The following RAVER2 variants were observed in gnomAD, a reference collection of about 807,000 sequenced individuals.
RAVER2 encodes the protein ribonucleoprotein, PTB binding 2, also known as ribonucleoprotein PTB-binding 2.
Under a neutral mutation model 78.1 loss-of-function variants are expected in RAVER2, and 46 were observed. That is an observed-to-expected ratio of 0.59 (90% CI 0.46 to 0.75). The LOEUF is 0.75. RAVER2 is among the 30% of genes least tolerant of loss of function. The pLI, the probability that RAVER2 is intolerant of heterozygous loss-of-function variation, is 0.00. For missense variants in RAVER2, 793 were observed against 837.5 expected, an observed-to-expected ratio of 0.95 and a Z score of 0.66; for synonymous variants, 311 against 313.3, an observed-to-expected ratio of 0.99 and a Z score of 0.08.
intron 1 of RAVER2, among the ~76,000 whole-genome samples, chr1:64,755,243 CTT>C (rs1385390561): frequency 6.6e-6 from 1 of 152,034 alleles, no homozygotes; most frequent in Non-Finnish European, 1.5e-5. Context: ...ATAAGTTTCT[CTT>C]TTGTTAGATT....
At position 64,809,489 on chromosome 1, in the gene RAVER2, A is replaced by AAAATAAATAAATAAATAAAT. The variant is rs10691863; in HGVS notation, c.1680+2031_1680+2050dup. ...TGTTTCCAGAATCACCTCTAGTGCA[A>AAAATAAATAAATAAATAAAT]AAATAAATAAATAAATAAATAAATA... is the stretch of plus-strand genomic sequence containing the variant. On this transcript the variant is annotated intron_variant, in intron 9 of 11. Coordinates refer to ENST00000294428, the Ensembl canonical transcript of RAVER2. Among the ~76,000 whole-genome samples, 982 of 147,444 alleles carry AAAATAAATAAATAAATAAAT rather than the reference A, an allele frequency of 6.7e-3. 5 individuals are homozygous for AAAATAAATAAATAAATAAAT. Among genetic ancestry groups the AAAATAAATAAATAAATAAAT allele is most frequent in the Non-Finnish European group, 7.4e-3 (494 of 66,950 alleles).
intron 3 of RAVER2, among the ~76,000 whole-genome samples, chr1:64,780,428 A>T (rs1652596949): frequency 6.6e-6 from 1 of 152,214 alleles, no homozygotes; most frequent in Admixed American, 6.5e-5. Context: ...AAAGATAGAA[A>T]TTTGATCTAA....
At chr1:64,768,846 C>T (rs529530530) in intron 2 of RAVER2, 124 bp downstream of exon 2, 25 of 615,814 alleles carry the variant, frequency 4.1e-5, no homozygotes, top group South Asian at 2.9e-4. Context: ...TTAAATCATT[C>T]GAATGTAACC....
chr1:64,772,709 G>T (rs12043128), intron 2 of RAVER2, among the ~76,000 whole-genome samples: 7,149 of 152,182 alleles, frequency 0.047, 410 homozygotes, highest in East Asian at 0.27. Context: ...TGATCTTATA[G>T]GCAAGGGAAT....
chr1:64,790,656 A>G (rs190290324), intron 5 of RAVER2, among the ~76,000 whole-genome samples: 3 of 152,376 alleles, frequency 2.0e-5, no homozygotes, highest in Non-Finnish European at 4.4e-5. Flanking sequence ...TGAAGTTTGA[A>G]CATAGCGTAT....
chr1:64,812,844 T>C, exon 10 of RAVER2: 1 of 1,593,732 alleles, frequency 6.3e-7, no homozygotes, highest in Non-Finnish European at 8.6e-7. Context: ...AGTGTGTGCT[T>C]ATCATGTAAG....
At position 64,817,698 on chromosome 1, in the gene RAVER2, A is replaced by T. The variant is rs957850295; in HGVS notation, c.1929+2858A>T. Among the ~76,000 whole-genome samples the T allele has an allele frequency of 2.2e-4, 32 of 148,310 alleles. No individual in the cohort carries two copies. In the East Asian group the frequency reaches 3.3e-3, roughly 15 times the overall value. ...TGTTCTGACTCAGAGGTGAGAATTGAACAATGAGAACACTTGGAAACAGGA... is the reference window on the plus strand; with the variant it reads ...TGTTCTGACTCAGAGGTGAGAATTGTACAATGAGAACACTTGGAAACAGGA... On this transcript the variant is annotated intron_variant, in intron 11 of 11. Coordinates refer to ENST00000294428, the Ensembl canonical transcript of RAVER2.
At chr1:64,819,441 GA>G (rs1195180731) in intron 11 of RAVER2, among the ~76,000 whole-genome samples, 1 of 151,982 alleles carries the variant, frequency 6.6e-6, no homozygotes, top group African/African-American at 2.4e-5. Flanking sequence ...GGAACACAAA[GA>G]AAAGAGATTT....
chr1:64,832,460 C>CTAAG (rs920744709), exon 12 of RAVER2: 44 of 152,668 alleles, frequency 2.9e-4, no homozygotes, highest in African/African-American at 9.1e-4. Context: ...CTAGAAATTT[C>CTAAG]TAAGTTTGTT....
intron 5 of RAVER2, among the ~76,000 whole-genome samples, chr1:64,794,023 A>T (rs545097214): frequency 1.3e-5 from 2 of 152,226 alleles, no homozygotes; most frequent in South Asian, 4.1e-4. Flanking sequence ...ACTAGTCTTT[A>T]TGCTTTTATT....
rs1244142647 is a variant in RAVER2 at position 64,778,077 on chromosome 1, AC to A, written c.773del (p.Pro258LeufsTer38). On this transcript the variant is annotated frameshift_variant, in exon 3 of 12. Coordinates refer to ENST00000294428, the Ensembl canonical transcript of RAVER2. LOFTEE classifies it high-confidence loss of function. The stretch of plus-strand genomic sequence containing the variant: ...TGCAAATTTTTTCCAGTGTCCATAA[AC>A]CTGTGTTTTGCCAGGTATGTATTTT... 6.2e-7 allele frequency: 1 copy of A among 1,606,178 alleles called. No individual in the cohort carries two copies. Among genetic ancestry groups the A allele is most frequent in the Non-Finnish European group, 8.5e-7 (1 of 1,176,398 alleles).
In RAVER2 at chr1:64,781,279, T is replaced by C. The variant is rs182498502; in HGVS notation, c.787-101T>C. 7.1e-3 allele frequency: 7,585 copies of C among 1,064,988 alleles called. 44 individuals are homozygous for C. The highest frequency in any genetic ancestry group is 0.011 in the South Asian group (374 of 35,272). 66.0% of individuals were successfully genotyped at this position (1,064,988 alleles called of 1,614,324 possible). A position where few individuals can be genotyped will look rare whatever the true frequency, so the allele number is the denominator to read the frequency against. On this transcript the variant is annotated intron_variant, in intron 3 of 11. Transcript: ENST00000294428. ...GAATATGTTATTTCCACCAGTATCA[T>C]GCTCCAATGCACTTGTTCTTGAATT...
intron 11 of RAVER2, among the ~76,000 whole-genome samples, chr1:64,823,355 A>G (rs1451310065): frequency 6.6e-6 from 1 of 152,226 alleles, no homozygotes; most frequent in Non-Finnish European, 1.5e-5. Flanking sequence ...TAGAATTGCC[A>G]TTGAGCTGTG....
intron 2 of RAVER2, among the ~76,000 whole-genome samples, chr1:64,769,255 C>G (rs551812334): frequency 6.6e-6 from 1 of 152,062 alleles, no homozygotes; most frequent in Admixed American, 6.6e-5. Flanking sequence ...AATATTTTGT[C>G]TTTACAAAGT....
At chr1:64,806,352 A>AGTGAGCC (rs1653418231) in intron 8 of RAVER2, among the ~76,000 whole-genome samples, 1 of 152,218 alleles carries the variant, frequency 6.6e-6, no homozygotes, top group Non-Finnish European at 1.5e-5. Flanking sequence ...TCGAGGCTGC[A>AGTGAGCC]GTGAGCCATG....
chr1:64,828,118 A>G (rs1219810163), intron 11 of RAVER2, among the ~76,000 whole-genome samples: 1 of 151,546 alleles, frequency 6.6e-6, no homozygotes, highest in East Asian at 1.9e-4. Context: ...CTCAGATGCT[A>G]TCTTATCCAT....
chr1:64,797,541 G>T (rs999598314), intron 5 of RAVER2, among the ~76,000 whole-genome samples: 1 of 152,002 alleles, frequency 6.6e-6, no homozygotes, highest in East Asian at 1.9e-4. Context: ...CATAATTTTG[G>T]GTTTGTCTAC....
intron 2 of RAVER2, among the ~76,000 whole-genome samples, chr1:64,772,511 A>G (rs1315571601): frequency 6.6e-6 from 1 of 152,164 alleles, no homozygotes; most frequent in African/African-American, 2.4e-5. Flanking sequence ...ATCTAAGCAA[A>G]TAGATTACGA....
At chr1:64,763,195 G>A (rs1202076905) in intron 1 of RAVER2, among the ~76,000 whole-genome samples, 2 of 152,148 alleles carry the variant, frequency 1.3e-5, no homozygotes, top group East Asian at 3.9e-4. Context: ...TACTCAGGAG[G>A]CTGAGGCAGG....
Sources: gnomAD v4.1 joint callset for allele counts (sites outside exome capture counted in the v4.1 genomes callset) on GRCh38, gnomAD v4.1.1 for gene constraint, MANE v1.5 for transcripts, NCBI Gene and HGNC (gene_info 2026-07-23, HGNC 2026-07-21) for gene names.